WSCD2: variants seen among roughly 807,000 people sequenced by gnomAD.
WSCD2 encodes the protein sialate:O-sulfotransferase 2.
Under a neutral mutation model 55.7 loss-of-function variants are expected in WSCD2, and 28 were observed. That is an observed-to-expected ratio of 0.50 (90% confidence interval 0.37 to 0.69). The LOEUF (loss-of-function observed/expected upper bound fraction) is 0.69, where lower values mean the gene tolerates loss of function less well. Ranked by LOEUF, WSCD2 falls within the 30% of genes least tolerant of loss-of-function variation. WSCD2 has a pLI of 0.00. For synonymous variants in WSCD2, 301 were observed against 301.9 expected (o/e 1.00, Z 0.03); for missense variants, 616 against 762.1 (o/e 0.81, Z 2.26).
chr12:108,199,960 A>G lies in WSCD2; in HGVS notation c.382+3746A>G, dbSNP rs1264985013. 5.3e-5 allele frequency among the ~76,000 whole-genome samples: 8 copies of G among 152,230 alleles called. No individual in the cohort carries two copies. In the East Asian group the frequency reaches 1.5e-3, roughly 29 times the overall value. On this transcript the variant is annotated intron_variant, in intron 2 of 8. Transcript: ENST00000547525. ...TAATACATGCCAGCTATTATTATTT[A>G]TACTGTAATTTTGCAGGAGAAAATG...
chr12:108,153,993 A>T (rs895176226), intron 1 of WSCD2, among the ~76,000 whole-genome samples: 3 of 152,078 alleles, frequency 2.0e-5, no homozygotes, highest in Non-Finnish European at 4.4e-5. Context: ...CTTAGTCTAG[A>T]TGAAGTGTGA....
chr12:108,195,257 T>C (rs931916714), intron 1 of WSCD2, 25 bp from the exon 2 acceptor site: 3 of 153,006 alleles, frequency 2.0e-5, no homozygotes, highest in Non-Finnish European at 4.4e-5. Context: ...GGGCTTCTCA[T>C]GCCTGTGTCT....
At chr12:108,150,477 G>A (rs777851321) in intron 1 of WSCD2, among the ~76,000 whole-genome samples, 1 of 152,100 alleles carries the variant, frequency 6.6e-6, no homozygotes, top group Non-Finnish European at 1.5e-5. Context: ...AAGGATGAGC[G>A]GGACTCAAGC....
At chr12:108,130,483 T>G (rs954581310) in intron 1 of WSCD2, among the ~76,000 whole-genome samples, 17 of 84,506 alleles carry the variant, frequency 2.0e-4, no homozygotes, top group Admixed American at 1.6e-3. Context: ...GGGGTGTGTG[T>G]GTGTGTGTGT....
At chr12:108,177,796 C>G (rs1881091943) in intron 1 of WSCD2, among the ~76,000 whole-genome samples, 1 of 152,022 alleles carries the variant, frequency 6.6e-6, no homozygotes, top group South Asian at 2.1e-4. Flanking sequence ...CAAAGCTAAC[C>G]TATGGTGATA....
In WSCD2 at chr12:108,250,198, G is replaced by GTGTGTA. The variant is rs779763143; in HGVS notation, c.*1856_*1857insGTGTAT. On this transcript the variant is annotated 3_prime_UTR_variant, in exon 9 of 9. Transcript: ENST00000547525. The stretch of plus-strand genomic sequence containing the variant: ...TGTGTGTGTGTGTGTGTGTGTGTGT[G>GTGTGTA]TATGAGAGAGAGAGAGAGAGACAAC... 9 of 148,220 alleles carry GTGTGTA rather than the reference G, an allele frequency of 6.1e-5. No individual in the cohort carries two copies. The highest frequency in any genetic ancestry group is 1.2e-4 in the Non-Finnish European group (8 of 67,266). The allele number at this position is 148,220 out of a possible 1,614,324, so 9.2% of individuals were successfully genotyped here.
intron 3 of WSCD2, among the ~76,000 whole-genome samples, chr12:108,208,671 C>T (rs1318894650): frequency 6.6e-6 from 1 of 152,146 alleles, no homozygotes. Context: ...GAGGGGAAGC[C>T]ACAGAGGTGT....
At chr12:108,245,466 T>C (rs956270763) in intron 8 of WSCD2, among the ~76,000 whole-genome samples, 3 of 152,184 alleles carry the variant, frequency 2.0e-5, no homozygotes, top group Admixed American at 6.5e-5. Context: ...CACTCTGTCA[T>C]CTCCATCCCA....
intron 1 of WSCD2, among the ~76,000 whole-genome samples, chr12:108,176,234 T>C (rs535987771): frequency 6.6e-6 from 1 of 152,332 alleles, no homozygotes; most frequent in South Asian, 2.1e-4. Context: ...TTTTGACAAA[T>C]GTGTACAACC....
intron 7 of WSCD2, among the ~76,000 whole-genome samples, chr12:108,236,127 C>T (rs1035762380): frequency 2.9e-4 from 44 of 152,242 alleles, no homozygotes; most frequent in Non-Finnish European, 4.1e-4. Context: ...AGCTGATCCC[C>T]TGGCAACTCT....
chr12:108,196,261 G>A (rs377444303), intron 2 of WSCD2, 47 bp downstream of exon 2: 134 of 1,542,618 alleles, frequency 8.7e-5, no homozygotes, highest in Non-Finnish European at 2.5e-5. Flanking sequence ...GGAGAAGGGA[G>A]GAGATACTAA....
At chr12:108,156,662 G>A (rs1477420694) in intron 1 of WSCD2, among the ~76,000 whole-genome samples, 1 of 152,180 alleles carries the variant, frequency 6.6e-6, no homozygotes, top group African/African-American at 2.4e-5. Context: ...CACAAATACA[G>A]GTGTACCAGA....
chr12:108,240,963 T>C lies in WSCD2; in HGVS notation c.1345+419T>C, dbSNP rs142744800. ...TACAAACACTCAGTAGGTGTGACTT[T>C]CATGGCACTGGAGATGCTCATGAAA... On this transcript the variant is annotated intron_variant, in intron 8 of 8. Coordinates refer to ENST00000547525, the MANE Select transcript of WSCD2 (RefSeq NM_014653.4). Among the ~76,000 whole-genome samples, 460 of 152,314 alleles carry C rather than the reference T, an allele frequency of 3.0e-3. 2 individuals carry two copies. Among genetic ancestry groups the C allele is most frequent in the African/African-American group, 9.7e-3 (403 of 41,554 alleles).
chr12:108,239,017 A>T (rs1268587154), intron 7 of WSCD2, among the ~76,000 whole-genome samples: 1 of 152,154 alleles, frequency 6.6e-6, no homozygotes, highest in African/African-American at 2.4e-5. Context: ...AGCTGCACAG[A>T]ACTTCTCTCA....
intron 1 of WSCD2, among the ~76,000 whole-genome samples, chr12:108,133,144 GTGTA>G (rs1199769518): frequency 1.3e-5 from 2 of 152,118 alleles, no homozygotes; most frequent in African/African-American, 4.8e-5. Flanking sequence ...GTGTTTCTGA[GTGTA>G]TGTGCCTCTG....
At chr12:108,204,474 G>A (rs1270474939) in intron 2 of WSCD2, among the ~76,000 whole-genome samples, 1 of 152,176 alleles carries the variant, frequency 6.6e-6, no homozygotes, top group Non-Finnish European at 1.5e-5. Flanking sequence ...CTGAACTGAA[G>A]TTAGTGTGCA....
intron 4 of WSCD2, among the ~76,000 whole-genome samples, chr12:108,211,255 C>T (rs1376455318): frequency 6.6e-6 from 1 of 152,162 alleles, no homozygotes; most frequent in East Asian, 1.9e-4. Flanking sequence ...TGGGGGTTAC[C>T]CCTCCCACAC....
chr12:108,198,771 T>C (rs1367574634), intron 2 of WSCD2, among the ~76,000 whole-genome samples: 1 of 152,244 alleles, frequency 6.6e-6, no homozygotes, highest in Non-Finnish European at 1.5e-5. Context: ...ATCTAGTGAA[T>C]GATCATTACA....
intron 1 of WSCD2, among the ~76,000 whole-genome samples, chr12:108,190,409 C>T (rs1883014382): frequency 6.6e-6 from 1 of 152,072 alleles, no homozygotes; most frequent in Admixed American, 6.6e-5. Context: ...CTGCCCAGTC[C>T]CTCCGAACTG....
Sources: allele counts gnomAD v4.1 joint callset (sites outside exome capture counted in the v4.1 genomes callset), GRCh38; gene constraint gnomAD v4.1.1; transcripts MANE v1.5; gene names NCBI Gene and HGNC (gene_info 2026-07-23, HGNC 2026-07-21).